PTGER4: variants seen among roughly 807,000 people sequenced by gnomAD.
PTGER4 encodes the protein prostaglandin E2 receptor EP4 subtype.
Under a neutral mutation model 33.2 loss-of-function variants are expected in PTGER4, and 11 were observed. The ratio of observed to expected loss-of-function variants is 0.33; its 90% CI spans 0.21 to 0.55. The LOEUF (loss-of-function observed/expected upper bound fraction) is 0.55. Ranked by LOEUF, PTGER4 falls within the 20% of genes least tolerant of loss-of-function variation. PTGER4 has a pLI of 0.92. For synonymous variants in PTGER4, 275 were observed against 281.5 expected (o/e 0.98, Z 0.23); for missense variants, 481 against 650.2 (o/e 0.74, Z 2.83).
At chr5:40,729,898 C>T in the PTGER4 span, among the ~76,000 whole-genome samples, 1 of 152,142 alleles carries the variant, frequency 6.6e-6, no homozygotes, top group African/African-American at 2.4e-5. Context: ...AAGGTTTCAC[C>T]ATGTTGGTCA....
chr5:40,689,560 T>G (rs1427364452), intron 2 of PTGER4, among the ~76,000 whole-genome samples: 4 of 152,214 alleles, frequency 2.6e-5, no homozygotes, highest in African/African-American at 9.6e-5. Context: ...ATCTAGTAAG[T>G]GCCAAAGGAA....
intron 2 of PTGER4, among the ~76,000 whole-genome samples, chr5:40,686,425 C>G (rs774611056): frequency 1.3e-5 from 2 of 152,188 alleles, no homozygotes; most frequent in African/African-American, 2.4e-5. Flanking sequence ...ATTATTGATA[C>G]CTTCCACACT....
chr5:40,706,611 T>TG, the PTGER4 span, among the ~76,000 whole-genome samples: 2 of 77,482 alleles, frequency 2.6e-5, no homozygotes, highest in African/African-American at 9.3e-5. Flanking sequence ...CTATAAAACT[T>TG]CAGCACAAAG....
chr5:40,682,847 G>A (rs1281725793), intron 2 of PTGER4, among the ~76,000 whole-genome samples: 1 of 152,176 alleles, frequency 6.6e-6, no homozygotes, highest in East Asian at 1.9e-4. Context: ...TCATTTTGGC[G>A]TTTGTAAAGC....
the PTGER4 span, among the ~76,000 whole-genome samples, chr5:40,721,554 G>A: frequency 3.5e-4 from 53 of 152,072 alleles, no homozygotes; most frequent in East Asian, 3.1e-3. Flanking sequence ...GGATATCCGC[G>A]TGCAAAAGAA....
At chr5:40,733,763 A>G in the PTGER4 span, among the ~76,000 whole-genome samples, 1 of 152,300 alleles carries the variant, frequency 6.6e-6, no homozygotes, top group East Asian at 1.9e-4. Context: ...TCCCGTCCCC[A>G]ACCCCACAAA....
intron 2 of PTGER4, among the ~76,000 whole-genome samples, chr5:40,686,198 G>A (rs1741319921): frequency 2.6e-5 from 4 of 152,160 alleles, no homozygotes. Flanking sequence ...TATGTGCTTG[G>A]AACAGAACAA....
At chr5:40,728,840 G>T in the PTGER4 span, among the ~76,000 whole-genome samples, 1 of 152,088 alleles carries the variant, frequency 6.6e-6, no homozygotes, top group African/African-American at 2.4e-5. Flanking sequence ...ATTAAACTAG[G>T]TGAATTAATT....
the PTGER4 span, among the ~76,000 whole-genome samples, chr5:40,700,006 G>A: frequency 6.6e-6 from 1 of 152,060 alleles, no homozygotes; most frequent in East Asian, 1.9e-4. Flanking sequence ...AAGGAAGAAA[G>A]AAAACTCTCT....
rs200345701 is a variant in PTGER4 at position 40,692,409 on chromosome 5, T to C, written c.*31T>C. 3.8e-5 allele frequency: 58 copies of C among 1,538,098 alleles called. No homozygotes were observed. The African/African-American group carries it at 7.6e-4, about 20-fold the overall frequency. On this transcript the variant is annotated 3_prime_UTR_variant, in exon 3 of 3. Coordinates refer to ENST00000302472, the MANE Select transcript of PTGER4 (RefSeq NM_000958.3). ...AAGGAAAGAAATACAGTACTGTTTC[T>C]GGACCCTTATAAAATCCTGTGCAAT...
chr5:40,709,771 T>C, the PTGER4 span, among the ~76,000 whole-genome samples: 1 of 152,228 alleles, frequency 6.6e-6, no homozygotes, highest in Admixed American at 6.5e-5. Context: ...TCATGCTACC[T>C]GACTTCAAAC....
At chr5:40,702,598 A>C in the PTGER4 span, among the ~76,000 whole-genome samples, 3 of 152,372 alleles carry the variant, frequency 2.0e-5, no homozygotes, top group East Asian at 5.8e-4. Flanking sequence ...AGTATTAGAC[A>C]GATCATCAAG....
chr5:40,683,789 G>A lies in PTGER4; in HGVS notation c.867+1929G>A, dbSNP rs1408729430. ...ATTCAGGGCCCTTACACAAAGCCTT[G>A]AAATTATTTGAGGACCTAGAGGCAA... On this transcript the variant is annotated intron_variant, in intron 2 of 2. Coordinates refer to ENST00000302472, the MANE Select transcript of PTGER4 (RefSeq NM_000958.3). This position sits in a 1 kb window ranked among gnomAD's most constrained non-coding sequence, Gnocchi z 4.2. 9.9e-5 allele frequency among the ~76,000 whole-genome samples: 15 copies of A among 152,164 alleles called. No individual in the cohort carries two copies. The highest frequency in any genetic ancestry group is 9.8e-4 in the Admixed American group (15 of 15,282).
the PTGER4 span, among the ~76,000 whole-genome samples, chr5:40,727,054 A>G: frequency 6.6e-6 from 1 of 152,158 alleles, no homozygotes; most frequent in African/African-American, 2.4e-5. Flanking sequence ...TAATCAAATC[A>G]ATTATTTTCT....
the PTGER4 span, among the ~76,000 whole-genome samples, chr5:40,744,213 T>C: frequency 1.3e-5 from 2 of 152,202 alleles, no homozygotes; most frequent in African/African-American, 4.8e-5. Flanking sequence ...ATAAAAATCT[T>C]TATGCCTAAA....
At chr5:40,706,001 C>T in the PTGER4 span, among the ~76,000 whole-genome samples, 1 of 152,156 alleles carries the variant, frequency 6.6e-6, no homozygotes, top group African/African-American at 2.4e-5. Context: ...GAATATAAAG[C>T]ATTCTACCAT....
At chr5:40,696,841 T>C, downstream of PTGER4, 1 of 517,666 alleles carries the variant, frequency 1.9e-6, no homozygotes, top group Non-Finnish European at 2.5e-6. Flanking sequence ...CCAAGAACAA[T>C]GAACAAGAAC....
chr5:40,697,234 GAAAGAAAGAAAGAAAGAAAGAA>G (rs773095519), downstream of PTGER4, among the ~76,000 whole-genome samples: 4,366 of 73,602 alleles, frequency 0.059, 206 homozygotes, highest in East Asian at 0.22. Flanking sequence ...AGAAAAGAAA[GAAAGAAAGAAAGAAAGAAAGAA>G]AGAAAGAAAG....
intron 2 of PTGER4, among the ~76,000 whole-genome samples, chr5:40,686,170 C>T (rs555571301): frequency 6.6e-6 from 1 of 152,278 alleles, no homozygotes; most frequent in Admixed American, 6.5e-5. Flanking sequence ...TAACTGAGCC[C>T]ATACAGATAA....
Sources: allele counts gnomAD v4.1 joint callset (sites outside exome capture counted in the v4.1 genomes callset), GRCh38; gene constraint gnomAD v4.1.1; non-coding constraint Gnocchi (gnomAD v3.1); transcripts MANE v1.5; gene names NCBI Gene and HGNC (gene_info 2026-07-23, HGNC 2026-07-21).